The following DTNB variants were observed in gnomAD, a reference collection of about 807,000 sequenced individuals.
DTNB encodes DTN-B.
A neutral mutation model predicts 90.7 loss-of-function variants in DTNB; 63 were observed. The observed-to-expected ratio is 0.69, with a 90% CI of 0.57 to 0.86. DTNB has a LOEUF of 0.86. DTNB is among the 40% of genes least tolerant of loss of function. The pLI, the probability that DTNB is intolerant of heterozygous loss-of-function variation, is 0.00. For missense variants in DTNB, 744 were observed against 807.1 expected (o/e 0.92, Z 0.95); for synonymous variants, 277 against 286.7 (o/e 0.97, Z 0.34).
At chr2:25,534,638 G>A (rs1247710367) in intron 8 of DTNB, among the ~76,000 whole-genome samples, 5 of 150,788 alleles carry the variant, frequency 3.3e-5, no homozygotes, top group Non-Finnish European at 7.4e-5. Context: ...GCCGGGCAGA[G>A]GTGCTCCTCA....
In DTNB at chr2:25,388,228, C is replaced by T; in HGVS notation, c.1709G>A (p.Gly570Glu). Residue 570 changes from glycine (G) to glutamate (E), a missense_variant, in exon 17 of 21, where the codon GGA becomes GAA. Physicochemically the swap from Gly to Glu is moderately conservative, Grantham distance 98 (BLOSUM62 -2). Transcript: ENST00000406818. ...TTGTGCGAAGGCCTCCTGCACGTCT[C>T]CCCCGACTCCGCTCAGCGAGTCCTG... ...CPQDSLSGVGGDVQEAFAQGT... is the reference protein window; with the variant it reads ...CPQDSLSGVGEDVQEAFAQGT... The T allele has an allele frequency of 6.3e-7, 1 of 1,589,692 alleles. No homozygotes were observed. The highest frequency in any genetic ancestry group is 8.6e-7 in the Non-Finnish European group (1 of 1,168,542).
chr2:25,535,807 C>A (rs1474368031), intron 8 of DTNB, among the ~76,000 whole-genome samples: 2 of 145,234 alleles, frequency 1.4e-5, no homozygotes, highest in African/African-American at 2.6e-5. Context: ...TTCAGGGCAG[C>A]CGGGCAGAGG....
intron 12 of DTNB, among the ~76,000 whole-genome samples, chr2:25,445,241 T>C (rs918598918): frequency 8.1e-5 from 12 of 147,872 alleles, no homozygotes; most frequent in Non-Finnish European, 1.4e-4. Flanking sequence ...TTTTAATGTC[T>C]AAAATACCTA....
chr2:25,415,539 C>A (rs12987881), intron 16 of DTNB, among the ~76,000 whole-genome samples: 3 of 151,902 alleles, frequency 2.0e-5, no homozygotes, highest in Non-Finnish European at 4.4e-5. Context: ...GACCGGGCTT[C>A]GGGAATCTTG....
At chr2:25,620,925 GCTGAAGCAGGAGAACTGCTTGAGC>G (rs1374648008) in intron 4 of DTNB, among the ~76,000 whole-genome samples, 2 of 152,182 alleles carry the variant, frequency 1.3e-5, no homozygotes, top group East Asian at 3.8e-4. Flanking sequence ...CACTCCGGAG[GCTGAAGCAGGAGAACTGCTTGAGC>G]CCAGGAGTTC....
chr2:25,603,664 A>C (rs572132049), intron 5 of DTNB, among the ~76,000 whole-genome samples: 36 of 152,272 alleles, frequency 2.4e-4, no homozygotes, highest in African/African-American at 8.4e-4. Context: ...AGATCAAAGC[A>C]GAAAAAAAAA....
chr2:25,493,168 A>C (rs1264235067), intron 9 of DTNB, among the ~76,000 whole-genome samples: 3 of 152,082 alleles, frequency 2.0e-5, no homozygotes, highest in Admixed American at 6.5e-5. Context: ...GTTTATTACT[A>C]TTGGTGTGAA....
chr2:25,463,858 T>C (rs1053811160), intron 10 of DTNB, among the ~76,000 whole-genome samples: 1 of 152,220 alleles, frequency 6.6e-6, no homozygotes, highest in African/African-American at 2.4e-5. Context: ...TACAGATGGA[T>C]AGAGAAATAA....
At chr2:25,464,152 G>C (rs2061429109) in intron 10 of DTNB, among the ~76,000 whole-genome samples, 1 of 152,188 alleles carries the variant, frequency 6.6e-6, no homozygotes, top group African/African-American at 2.4e-5. Flanking sequence ...CAGGTGATCT[G>C]CCCGCCTTGG....
At chr2:25,521,262 A>T (rs1027313659) in intron 9 of DTNB, among the ~76,000 whole-genome samples, 4 of 152,132 alleles carry the variant, frequency 2.6e-5, no homozygotes, top group South Asian at 4.1e-4. Flanking sequence ...TCAGGGCCAG[A>T]TAGTAAATAA....
chr2:25,390,240 T>C (rs2040719098), intron 16 of DTNB, among the ~76,000 whole-genome samples: 1 of 152,176 alleles, frequency 6.6e-6, no homozygotes, highest in Admixed American at 6.5e-5. Flanking sequence ...GATCTTTCCA[T>C]GATACAAATA....
intron 9 of DTNB, among the ~76,000 whole-genome samples, chr2:25,494,484 G>T (rs2068339825): frequency 6.7e-6 from 1 of 148,878 alleles, no homozygotes; most frequent in Non-Finnish European, 1.5e-5. Flanking sequence ...GGGGAGGAGG[G>T]GGGAGTGCGG....
chr2:25,522,380 C>T (rs1045211048), intron 9 of DTNB, among the ~76,000 whole-genome samples: 1 of 152,130 alleles, frequency 6.6e-6, no homozygotes, highest in Non-Finnish European at 1.5e-5. Context: ...AACGCAAAAA[C>T]ATAAATGGTG....
chr2:25,439,373 C>T (rs529838665), intron 12 of DTNB, among the ~76,000 whole-genome samples: 1 of 152,012 alleles, frequency 6.6e-6, no homozygotes, highest in Admixed American at 6.6e-5. Flanking sequence ...CTTGGTGGCG[C>T]GTGCCTGTAG....
intron 16 of DTNB, among the ~76,000 whole-genome samples, chr2:25,409,355 G>A (rs970323968): frequency 6.6e-6 from 1 of 152,156 alleles, no homozygotes; most frequent in African/African-American, 2.4e-5. Context: ...AATGATGAAA[G>A]GATCCAAAAA....
chr2:25,449,768 C>CTTT (rs35325641), intron 12 of DTNB, among the ~76,000 whole-genome samples: 11 of 139,632 alleles, frequency 7.9e-5, no homozygotes, highest in Middle Eastern at 3.7e-3. Context: ...TTTTCTTTTT[C>CTTT]TTTTTTTTTT....
chr2:25,581,651 T>C (rs773180820), intron 6 of DTNB, among the ~76,000 whole-genome samples: 1 of 152,188 alleles, frequency 6.6e-6, no homozygotes, highest in Admixed American at 6.5e-5. Flanking sequence ...AAGATAGAAA[T>C]AGAGTTATAT....
At chr2:25,489,419 T>A (rs2066898075) in intron 9 of DTNB, among the ~76,000 whole-genome samples, 1 of 152,156 alleles carries the variant, frequency 6.6e-6, no homozygotes, top group African/African-American at 2.4e-5. Flanking sequence ...AAAATAATTA[T>A]AATGTAGCAA....
intron 10 of DTNB, among the ~76,000 whole-genome samples, chr2:25,465,978 G>A (rs2061703400): frequency 6.6e-6 from 1 of 152,176 alleles, no homozygotes; most frequent in East Asian, 1.9e-4. Context: ...CATATCAGGT[G>A]CTCAGCAAAT....
Sources: allele counts gnomAD v4.1 joint callset (sites outside exome capture counted in the v4.1 genomes callset), GRCh38; gene constraint gnomAD v4.1.1; transcripts MANE v1.5; gene names NCBI Gene and HGNC (gene_info 2026-07-23, HGNC 2026-07-21).